The following RMDN2 variants were observed in gnomAD, a reference collection of about 807,000 sequenced individuals.
RMDN2 encodes the protein regulator of microtubule dynamics protein 2.
Under a neutral mutation model 52.8 loss-of-function variants are expected in RMDN2, and 61 were observed. That is an observed-to-expected ratio of 1.16 (90% CI 0.94 to 1.43). The LOEUF (loss-of-function observed/expected upper bound fraction) is 1.43, where lower values mean the gene tolerates loss of function less well. RMDN2 is among the 40% of genes most tolerant of loss of function. The probability of loss-of-function intolerance (pLI) is 0.00; values close to 1 mark genes in which losing one functional copy is unlikely to be tolerated. For synonymous variants in RMDN2, 180 were observed against 153.1 expected, an observed-to-expected ratio of 1.18 and a Z score of -1.30; for missense variants, 592 against 475.3, an observed-to-expected ratio of 1.25 and a Z score of -2.28.
chr2:38,010,219 C>G (rs572717664), intron 10 of RMDN2, among the ~76,000 whole-genome samples: 1 of 152,144 alleles, frequency 6.6e-6, no homozygotes, highest in African/African-American at 2.4e-5. Flanking sequence ...GCTGGGAGAA[C>G]CACTACTCTC....
intron 8 of RMDN2, among the ~76,000 whole-genome samples, chr2:38,000,584 A>G (rs1246880186): frequency 6.6e-6 from 1 of 152,236 alleles, no homozygotes; most frequent in Non-Finnish European, 1.5e-5. Flanking sequence ...AATTTAATAT[A>G]AATGGAATCA....
chr2:37,966,034 T>C lies in RMDN2; in HGVS notation c.453-8006T>C, dbSNP rs1412926979. Among the ~76,000 whole-genome samples, 7 of 152,340 alleles carry C rather than the reference T, an allele frequency of 4.6e-5. 1 individual carries two copies. Among genetic ancestry groups the C allele is most frequent in the Admixed American group, 4.6e-4 (7 of 15,308 alleles). On this transcript the variant is annotated intron_variant, in intron 2 of 10. Coordinates refer to ENST00000354545, the MANE Select transcript of RMDN2 (RefSeq NM_001170791.3). Reference sequence around the variant, plus strand: ...ATGAGTTGCTTTTCTTTTGCTGCTTTTGAGATTCTTTTTGTCTTTAGCATT... The same window carrying C: ...ATGAGTTGCTTTTCTTTTGCTGCTTCTGAGATTCTTTTTGTCTTTAGCATT...
chr2:38,014,432 A>G (rs928201173), intron 10 of RMDN2, among the ~76,000 whole-genome samples: 1 of 152,180 alleles, frequency 6.6e-6, no homozygotes, highest in African/African-American at 2.4e-5. Context: ...AATTGATCTT[A>G]AAAACACTCT....
rs550549328 is a variant in RMDN2, at chr2:38,025,481, T to G, written c.1713+21265T>G. Among the ~76,000 whole-genome samples, 5 of 152,204 alleles carry G rather than the reference T, an allele frequency of 3.3e-5. No homozygotes were observed. In the East Asian group the frequency reaches 7.7e-4, roughly 23 times the overall value. ...TGAAGGTTTTGTTTTGTTTTTGCCT[T>G]ATTGTACAGGCTAGAACTTTCAATA... On this transcript the variant is annotated intron_variant, in intron 10 of 10. Coordinates refer to the RMDN2 transcript ENST00000234195.
At chr2:38,014,097 A>G (rs1678395964) in intron 10 of RMDN2, among the ~76,000 whole-genome samples, 1 of 151,912 alleles carries the variant, frequency 6.6e-6, no homozygotes, top group South Asian at 2.1e-4. Context: ...CTATAATCCC[A>G]GCTACTAGGG....
At chr2:37,998,978 T>C (rs1675950626) in intron 8 of RMDN2, among the ~76,000 whole-genome samples, 2 of 152,228 alleles carry the variant, frequency 1.3e-5, no homozygotes. Context: ...TAGATTATGA[T>C]CTATTTAAGA....
chr2:37,962,180 C>G (rs1217402168), intron 2 of RMDN2, among the ~76,000 whole-genome samples: 1 of 152,228 alleles, frequency 6.6e-6, no homozygotes, highest in Non-Finnish European at 1.5e-5. Context: ...CAGGGACTCA[C>G]TTGAGGAGGC....
chr2:38,022,565 T>G (rs1679472415), downstream of RMDN2, among the ~76,000 whole-genome samples: 2 of 152,220 alleles, frequency 1.3e-5, no homozygotes, highest in Non-Finnish European at 2.9e-5. Context: ...TGAATATGCT[T>G]GATTTCAGAA....
At position 37,975,274 on chromosome 2, in the gene RMDN2, A is replaced by C; in HGVS notation, c.690A>C (p.Leu230=). ...FARAYGDMYE[L]STNTQEKKHY... ...GTGCTTATGGAGACATGTATGAACT[A>C]TCTACAAACACACAAGAAAAGAAAC... Residue 230 remains leucine (L), a synonymous_variant, in exon 4 of 11, where the codon CTA becomes CTC. Coordinates refer to ENST00000354545, the MANE Select transcript of RMDN2 (RefSeq NM_001170791.3). 6.2e-7 allele frequency: 1 copy of C among 1,608,688 alleles called. No individual in the cohort carries two copies. The highest frequency in any genetic ancestry group is 1.7e-4 in the Middle Eastern group (1 of 6,046).
intron 10 of RMDN2, among the ~76,000 whole-genome samples, chr2:38,061,935 G>A (rs148626841): frequency 2.7e-4 from 41 of 152,262 alleles, no homozygotes; most frequent in Non-Finnish European, 5.0e-4. Flanking sequence ...TACCTCTCCT[G>A]CAAGGACTTC....
intron 4 of RMDN2, among the ~76,000 whole-genome samples, chr2:37,981,064 C>T (rs1673247836): frequency 6.6e-6 from 1 of 152,218 alleles, no homozygotes; most frequent in African/African-American, 2.4e-5. Context: ...ACATCAGAAT[C>T]ATTGGAGGCT....
intron 8 of RMDN2, among the ~76,000 whole-genome samples, chr2:37,999,691 A>G (rs1676054484): frequency 6.6e-6 from 1 of 152,090 alleles, no homozygotes; most frequent in Non-Finnish European, 1.5e-5. Flanking sequence ...CACCCAGGAG[A>G]GTCTGCAACC....
At chr2:37,972,128 T>G (rs1671885899) in intron 2 of RMDN2, among the ~76,000 whole-genome samples, 1 of 152,194 alleles carries the variant, frequency 6.6e-6, no homozygotes, top group Admixed American at 6.5e-5. Flanking sequence ...ATTGAATATT[T>G]TATTTAATTA....
At position 37,950,706 on chromosome 2, in the gene RMDN2, G is replaced by GT. The variant is rs1668671136; in HGVS notation, c.452+20978dup. On this transcript the variant is annotated intron_variant, in intron 2 of 10. Transcript: ENST00000354545. ...CCATAATAACTGGATATCCTGGACT[G>GT]TCCAGATATTCACTTGAAACATTCT... 5.8e-6 allele frequency: 6 copies of GT among 1,033,106 alleles called. No individual in the cohort carries two copies. The Admixed American group carries it at 8.8e-5, about 15-fold the overall frequency. 64.0% of individuals were successfully genotyped at this position (1,033,106 alleles called of 1,614,324 possible).
intron 10 of RMDN2, chr2:38,027,005 A>G (rs1256540247): frequency 6.6e-6 from 1 of 152,126 alleles, no homozygotes; most frequent in African/African-American, 2.4e-5. Flanking sequence ...AGTTTGTACG[A>G]CTTGAATCTG....
chr2:38,003,691 G>C (rs1475027131), intron 8 of RMDN2, among the ~76,000 whole-genome samples: 1 of 152,154 alleles, frequency 6.6e-6, no homozygotes, highest in East Asian at 1.9e-4. Context: ...AAAGGATAGA[G>C]AAAGAAGACT....
intron 10 of RMDN2, among the ~76,000 whole-genome samples, chr2:38,014,987 C>T (rs984923120): frequency 1.3e-5 from 2 of 152,144 alleles, no homozygotes; most frequent in African/African-American, 4.8e-5. Flanking sequence ...TGAGGTTTTG[C>T]TATATAATCT....
chr2:37,926,455 TTAAG>T (rs1302620971), intron 1 of RMDN2, among the ~76,000 whole-genome samples: 2 of 152,218 alleles, frequency 1.3e-5, no homozygotes, highest in Non-Finnish European at 2.9e-5. Flanking sequence ...TACACATTAA[TTAAG>T]TGCCATAATC....
intron 3 of RMDN2, 22 bp from the exon 4 acceptor site, chr2:37,975,190 C>G: frequency 7.3e-7 from 1 of 1,378,338 alleles, no homozygotes; most frequent in Non-Finnish European, 1.0e-6. Context: ...ATTTAACAGG[C>G]AACTCCATCT....
Sources: allele counts gnomAD v4.1 joint callset (sites outside exome capture counted in the v4.1 genomes callset), GRCh38; gene constraint gnomAD v4.1.1; transcripts MANE v1.5; gene names NCBI Gene and HGNC (gene_info 2026-07-23, HGNC 2026-07-21).